The following RBFOX1 variants were observed in gnomAD, a reference collection of about 807,000 sequenced individuals.
The protein encoded by RBFOX1 is RNA binding protein fox-1 homolog 1.
Under a neutral mutation model 57.7 loss-of-function variants are expected in RBFOX1, and 8 were observed. That is an observed-to-expected ratio of 0.14 (90% CI 0.08 to 0.25). RBFOX1 has a LOEUF of 0.25. Among genes scored for constraint, RBFOX1 ranks in the 10% least tolerant of loss-of-function variants. RBFOX1 has a pLI of 1.00. For missense variants in RBFOX1, 611 were observed against 548.5 expected (o/e 1.11, Z -1.14); for synonymous variants, 326 against 222.4 (o/e 1.47, Z -4.15).
intron 3 of RBFOX1, among the ~76,000 whole-genome samples, chr16:7,038,778 G>A (rs1171156836): frequency 1.3e-5 from 2 of 152,260 alleles, no homozygotes; most frequent in Admixed American, 1.3e-4. Context: ...TGATTAATCT[G>A]TCTGGACCTG....
chr16:6,824,983 G>GTTTTTTTTGTTTTTTTTTTTT (rs2091917233), intron 3 of RBFOX1, among the ~76,000 whole-genome samples: 1 of 36,878 alleles, frequency 2.7e-5, no homozygotes, highest in Non-Finnish European at 5.9e-5. Flanking sequence ...TTCTTTCTTG[G>GTTTTTTTTGTTTTTTTTTTTT]TTTTTTTTTT....
chr16:7,493,065 G>A (rs557895865), intron 4 of RBFOX1, among the ~76,000 whole-genome samples: 7 of 152,194 alleles, frequency 4.6e-5, no homozygotes, highest in Non-Finnish European at 8.8e-5. Context: ...TTTTAGTAGA[G>A]ATGGGGTTTC....
intron 3 of RBFOX1, among the ~76,000 whole-genome samples, chr16:6,953,614 T>C (rs1248470974): frequency 6.6e-6 from 1 of 152,200 alleles, no homozygotes; most frequent in Non-Finnish European, 1.5e-5. Flanking sequence ...CTGAAACTGC[T>C]GACTTGAAGT....
At chr16:6,622,013 T>C (rs2098240166) in intron 2 of RBFOX1, among the ~76,000 whole-genome samples, 1 of 152,230 alleles carries the variant, frequency 6.6e-6, no homozygotes, top group African/African-American at 2.4e-5. Flanking sequence ...CTTACACCAT[T>C]TTCAAGCCTT....
chr16:6,459,231 G>C (rs1597541516), intron 2 of RBFOX1, among the ~76,000 whole-genome samples: 1 of 152,156 alleles, frequency 6.6e-6, no homozygotes, highest in South Asian at 2.1e-4. Flanking sequence ...AGCTACTTGG[G>C]AGGCTGAGGC....
intron 3 of RBFOX1, among the ~76,000 whole-genome samples, chr16:6,811,306 A>T (rs189727545): frequency 3.3e-5 from 5 of 152,356 alleles, no homozygotes; most frequent in African/African-American, 1.2e-4. Flanking sequence ...AACTTTGTAA[A>T]ATAGAATTGA....
At chr16:5,596,196 G>T (rs959311364) in intron 2 of RBFOX1, among the ~76,000 whole-genome samples, 2 of 152,138 alleles carry the variant, frequency 1.3e-5, no homozygotes, top group Non-Finnish European at 2.9e-5. Flanking sequence ...ATTTCATCTG[G>T]TAGCTAGGTT....
intron 2 of RBFOX1, among the ~76,000 whole-genome samples, chr16:5,568,112 C>G (rs1208905310): frequency 6.6e-6 from 1 of 152,238 alleles, no homozygotes; most frequent in East Asian, 1.9e-4. Context: ...TGGCTACTCA[C>G]TGCTAAACAA....
At chr16:7,065,848 C>G (rs551942229) in intron 4 of RBFOX1, among the ~76,000 whole-genome samples, 34 of 152,256 alleles carry the variant, frequency 2.2e-4, no homozygotes, top group African/African-American at 7.9e-4. Context: ...TCTACTCTTG[C>G]TTTTATGAGT....
chr16:6,368,518 C>G (rs2089989612), intron 2 of RBFOX1, among the ~76,000 whole-genome samples: 1 of 152,230 alleles, frequency 6.6e-6, no homozygotes, highest in Admixed American at 6.5e-5. Flanking sequence ...ATCCACATCT[C>G]CTTCCAATTC....
At chr16:6,530,643 G>A (rs1375593512) in intron 2 of RBFOX1, among the ~76,000 whole-genome samples, 1 of 152,014 alleles carries the variant, frequency 6.6e-6, no homozygotes, top group Admixed American at 6.6e-5. Context: ...CACATGGCTG[G>A]GGAGGCCTCA....
chr16:6,572,350 C>G (rs1039978483), intron 2 of RBFOX1, among the ~76,000 whole-genome samples: 5 of 152,092 alleles, frequency 3.3e-5, no homozygotes, highest in African/African-American at 7.2e-5. Context: ...TGAGTATGTT[C>G]TGCTTTTAAA....
chr16:7,173,005 C>T (rs1255071910), intron 4 of RBFOX1, among the ~76,000 whole-genome samples: 1 of 152,118 alleles, frequency 6.6e-6, no homozygotes, highest in South Asian at 2.1e-4. Context: ...AGAAAAACTA[C>T]CACGTGTGTA....
chr16:6,011,339 G>T (rs974892841), intron 4 of RBFOX1, among the ~76,000 whole-genome samples: 3 of 151,538 alleles, frequency 2.0e-5, no homozygotes, highest in Non-Finnish European at 4.4e-5. Context: ...TTTACAAAAT[G>T]ATTTCTAGTG....
chr16:6,897,008 G>A (rs1225433421), intron 3 of RBFOX1, among the ~76,000 whole-genome samples: 1 of 152,138 alleles, frequency 6.6e-6, no homozygotes, highest in African/African-American at 2.4e-5. Context: ...AGCAGGGGAC[G>A]CACCTGTGCA....
chr16:6,239,728 A>C (rs2097530225), intron 1 of RBFOX1, among the ~76,000 whole-genome samples: 1 of 151,834 alleles, frequency 6.6e-6, no homozygotes, highest in South Asian at 2.1e-4. Flanking sequence ...TGAACTCCTG[A>C]CCTCATGATC....
intron 3 of RBFOX1, among the ~76,000 whole-genome samples, chr16:6,688,180 T>C (rs2059714968): frequency 6.7e-6 from 1 of 150,274 alleles, no homozygotes; most frequent in Admixed American, 6.6e-5. Context: ...TCAGTCATGG[T>C]GGAAAAAAAA....
At position 5,532,709 on chromosome 16, in the gene RBFOX1, C is replaced by T. The variant is rs140012363; in HGVS notation, c.258+65455C>T. ...TGAGCTTGCTGGCTCATACCCAGGC[C>T]TGAGATCAGTGCTTTATCAAAAGTG... is the stretch of plus-strand genomic sequence containing the variant. On this transcript the variant is annotated intron_variant, in intron 2 of 2. Transcript: ENST00000585867. Among the ~76,000 whole-genome samples the T allele has an allele frequency of 3.4e-3, 517 of 152,322 alleles. 5 individuals carry two copies. Among genetic ancestry groups the T allele is most frequent in the Middle Eastern group, 0.01 (3 of 294 alleles).
chr16:7,279,474 T>G (rs540739434), intron 4 of RBFOX1, among the ~76,000 whole-genome samples: 2 of 152,338 alleles, frequency 1.3e-5, no homozygotes, highest in African/African-American at 4.8e-5. Context: ...CACTCAGGCC[T>G]GAGCGCAGCG....
Sources: allele counts gnomAD v4.1 joint callset (sites outside exome capture counted in the v4.1 genomes callset), GRCh38; gene constraint gnomAD v4.1.1; transcripts MANE v1.5; gene names NCBI Gene and HGNC (gene_info 2026-07-23, HGNC 2026-07-21).